ZNF469: variants seen among roughly 807,000 people sequenced by gnomAD.
The protein encoded by ZNF469 is zinc finger protein 469.
A neutral mutation model predicts 1.0 loss-of-function variants in ZNF469; 1 was observed. That is an observed-to-expected ratio of 1.00 (90% CI 0.35 to 4.73). ZNF469 has a LOEUF of 4.73. ZNF469 is among the 30% of genes most tolerant of loss of function. The pLI is 0.16. For missense variants in ZNF469, 6,100 were observed against 5,356.3 expected (o/e 1.14, Z -4.33); for synonymous variants, 2,703 against 2,363.4 (o/e 1.14, Z -4.17).
the ZNF469 span, among the ~76,000 whole-genome samples, chr16:88,246,975 A>ATGAATGAATGAG: frequency 6.6e-6 from 1 of 151,052 alleles, no homozygotes; most frequent in Non-Finnish European, 1.5e-5. Flanking sequence ...AAGTGAGTGA[A>ATGAATGAATGAG]TGAGTGAATG....
In ZNF469 at chr16:88,428,674, C is replaced by G. The variant is rs1204157035; in HGVS notation, c.1204C>G (p.Pro402Ala). The G allele has an allele frequency of 2.6e-6, 4 of 1,549,960 alleles. No individual in the cohort carries two copies. Among genetic ancestry groups the G allele is most frequent in the Non-Finnish European group, 3.5e-6 (4 of 1,146,858 alleles). The change falls in exon 3 of 3, where the codon CCC becomes GCC. Residue 402 changes from proline (P) to alanine (A), a missense_variant. By Grantham distance (27) the Pro-to-Ala change is conservative. Coordinates refer to ENST00000565624, the MANE Select transcript of ZNF469 (RefSeq NM_001367624.2). ...CACGAGAGGGCCCCCTAGCTCCCTA[C>G]CCCAGAGGCACTTTCCAGGGCAGGC... ...GSTRGPPSSL[P>A]QRHFPGQAYR...
chr16:88,256,070 C>G, the ZNF469 span, among the ~76,000 whole-genome samples: 1 of 152,198 alleles, frequency 6.6e-6, no homozygotes, highest in East Asian at 1.9e-4. Flanking sequence ...GATGCTCCTG[C>G]TCTGTCATAC....
the ZNF469 span, among the ~76,000 whole-genome samples, chr16:88,362,551 A>G: frequency 6.6e-6 from 1 of 151,762 alleles, no homozygotes; most frequent in African/African-American, 2.4e-5. Flanking sequence ...TTTTTCTTTC[A>G]TCGCTTTAAA....
At position 88,436,557 on chromosome 16, in the gene ZNF469, CGGT is replaced by C; in HGVS notation, c.9090_9092del (p.Gly3031del). On this transcript the variant is annotated inframe_deletion, in exon 3 of 3. Coordinates refer to ENST00000565624, the MANE Select transcript of ZNF469 (RefSeq NM_001367624.2). ...CCAGCCTGGAGAGAGAACGCTGTGA[CGGT>C]GGGCTTCCCGGGAACACCCACCTGC... 1 of 1,549,796 alleles carries C rather than the reference CGGT, an allele frequency of 6.5e-7. No homozygotes were observed. The highest frequency in any genetic ancestry group is 8.7e-7 in the Non-Finnish European group (1 of 1,146,944).
At chr16:88,131,922 A>T in the ZNF469 span, among the ~76,000 whole-genome samples, 2 of 152,114 alleles carry the variant, frequency 1.3e-5, no homozygotes, top group Non-Finnish European at 2.9e-5. Context: ...TCTGGGTGGG[A>T]TGCTGCCTTG....
chr16:88,377,683 T>C, the ZNF469 span, among the ~76,000 whole-genome samples: 2 of 151,284 alleles, frequency 1.3e-5, no homozygotes, highest in Admixed American at 6.6e-5. Flanking sequence ...TCTATCTCCC[T>C]CCTCCAGCCC....
At chr16:88,177,760 T>A in the ZNF469 span, 1 of 152,188 alleles carries the variant, frequency 6.6e-6, no homozygotes, top group East Asian at 1.9e-4. The surrounding 1 kb of genome is among the most constrained non-coding windows in gnomAD (Gnocchi z 4.8). Context: ...CAGGCTGGAG[T>A]GCAATGGTGC....
At chr16:88,157,149 C>T in the ZNF469 span, among the ~76,000 whole-genome samples, 1 of 151,160 alleles carries the variant, frequency 6.6e-6, no homozygotes, top group Non-Finnish European at 1.5e-5. Flanking sequence ...CACCAGGGCA[C>T]ACAGGCAGCC....
At chr16:88,135,016 G>A in the ZNF469 span, among the ~76,000 whole-genome samples, 3 of 152,232 alleles carry the variant, frequency 2.0e-5, no homozygotes, top group Non-Finnish European at 2.9e-5. Context: ...GGCAGCTCCT[G>A]GACAGGGGTC....
At chr16:88,214,811 C>T in the ZNF469 span, among the ~76,000 whole-genome samples, 13 of 152,130 alleles carry the variant, frequency 8.5e-5, no homozygotes, top group Admixed American at 3.9e-4. Flanking sequence ...GCTTCATCCA[C>T]GTCCCTGCAA....
Position 88,435,362 on chromosome 16 carries a change from C to T in ZNF469, c.7892C>T (p.Ser2631Leu). The change falls in exon 3 of 3, where the codon TCA becomes TTA. Residue 2631 changes from serine to leucine, a missense_variant. Transcript: ENST00000565624. ...VDSPSHSEGK[S>L]NKKRGKLRGR... ...TCTCCTAGCCACTCAGAGGGGAAGT[C>T]AAATAAGAAAAGGGGAAAGCTGAGA... 2 of 1,550,306 alleles carry T rather than the reference C, an allele frequency of 1.3e-6. No individual in the cohort carries two copies. Among genetic ancestry groups the T allele is most frequent in the Non-Finnish European group, 1.7e-6 (2 of 1,146,980 alleles).
chr16:88,118,055 G>A, the ZNF469 span, among the ~76,000 whole-genome samples: 1 of 152,168 alleles, frequency 6.6e-6, no homozygotes, highest in East Asian at 1.9e-4. Flanking sequence ...CCATTCCCCT[G>A]ACTCAGCCTC....
chr16:88,427,645 G>C lies in ZNF469; in HGVS notation c.175G>C (p.Glu59Gln). The change falls in exon 3 of 3, where the codon GAG (glutamate) becomes CAG (glutamine). Residue 59 changes from glutamate (E) to glutamine (Q), a missense_variant. Physicochemically the swap from Glu to Gln is conservative, Grantham distance 29. Transcript: ENST00000565624. Reference sequence around the variant, plus strand: ...GGCTGGCGGCCAGGCCCAGGCCATGGAGCTCCCCGAGGCCCAGCCAAGGCA... The same window carrying C: ...GGCTGGCGGCCAGGCCCAGGCCATGCAGCTCCCCGAGGCCCAGCCAAGGCA... ...REAGGQAQAM[E>Q]LPEAQPRQAR... The C allele has an allele frequency of 1.3e-6, 2 of 1,537,044 alleles. No individual in the cohort carries two copies. The highest frequency in any genetic ancestry group is 1.7e-6 in the Non-Finnish European group (2 of 1,146,108).
the ZNF469 span, among the ~76,000 whole-genome samples, chr16:88,148,751 C>G: frequency 2.6e-5 from 4 of 152,192 alleles, no homozygotes; most frequent in Admixed American, 2.0e-4. Flanking sequence ...TGTCATCATT[C>G]TGGGGCTGGG....
chr16:88,396,861 GCCGGGAGGACACC>G (rs1904688211), intron 1 of ZNF469, among the ~76,000 whole-genome samples: 2 of 149,414 alleles, frequency 1.3e-5, no homozygotes, highest in African/African-American at 2.5e-5. Flanking sequence ...CTGAAGGGAG[GCCGGGAGGACACC>G]CTCCTGAAGG....
chr16:88,413,571 G>A (rs889656926), intron 1 of ZNF469, among the ~76,000 whole-genome samples: 3 of 152,274 alleles, frequency 2.0e-5, no homozygotes, highest in Admixed American at 6.5e-5. Context: ...CTCTGGAGAA[G>A]TGATTCCGTC....
At chr16:88,123,437 G>C in the ZNF469 span, among the ~76,000 whole-genome samples, 1 of 152,040 alleles carries the variant, frequency 6.6e-6, no homozygotes, top group Admixed American at 6.6e-5. Context: ...TCAATTTTGG[G>C]CTGTTGTTAG....
chr16:88,395,814 C>A (rs991481045), intron 1 of ZNF469, among the ~76,000 whole-genome samples: 1 of 152,176 alleles, frequency 6.6e-6, no homozygotes, highest in African/African-American at 2.4e-5. Flanking sequence ...GTGCACATGG[C>A]CCAGGATGTT....
At chr16:88,216,968 A>G in the ZNF469 span, among the ~76,000 whole-genome samples, 1 of 151,696 alleles carries the variant, frequency 6.6e-6, no homozygotes, top group East Asian at 1.9e-4. Flanking sequence ...CCCTCTGGTG[A>G]ATTTCTTCAT....
Sources: allele counts gnomAD v4.1 joint callset (sites outside exome capture counted in the v4.1 genomes callset), GRCh38; gene constraint gnomAD v4.1.1; non-coding constraint Gnocchi (gnomAD v3.1); transcripts MANE v1.5; gene names NCBI Gene and HGNC (gene_info 2026-07-23, HGNC 2026-07-21).